HDGFL2: variants seen among roughly 807,000 people sequenced by gnomAD.
HDGFL2 encodes the protein HDGF like 2, also known as hepatoma-derived growth factor-related protein 2.
In HDGFL2, 36 loss-of-function variants were observed where a neutral mutation model predicts 77.1. The observed-to-expected ratio is 0.47, with a 90% confidence interval of 0.36 to 0.62. HDGFL2 has a LOEUF of 0.62. Among genes scored for constraint, HDGFL2 ranks in the 20% least tolerant of loss-of-function variants. The pLI is 0.00. For missense variants in HDGFL2, 976 were observed against 973.4 expected (o/e 1.00, Z -0.04); for synonymous variants, 463 against 413.1 (o/e 1.12, Z -1.46).
intron 4 of HDGFL2, among the ~76,000 whole-genome samples, 159 bp from the exon 5 acceptor site, chr19:4,491,407 G>A (rs971211108): frequency 6.6e-6 from 1 of 151,896 alleles, no homozygotes; most frequent in African/African-American, 2.4e-5. Flanking sequence ...ATGTCCTCAA[G>A]GTTCAAGATC....
Position 4,501,963 on chromosome 19 carries a change from C to T in HDGFL2, c.1969C>T (p.Arg657Cys), listed in dbSNP as rs766548369. ...LDRPGSDRQE[R>C]ERARGDSEAL... Reference sequence around the variant, plus strand: ...CAGGCCTGGGAGCGACCGGCAGGAGCGCGAGAGGGCACGGGGGGACTCGGA... The same window carrying T: ...CAGGCCTGGGAGCGACCGGCAGGAGTGCGAGAGGGCACGGGGGGACTCGGA... The change falls in exon 16 of 16, where the codon CGC becomes TGC. Residue 657 changes from arginine (R) to cysteine (C), a missense_variant. Arg to Cys is a radical substitution (Grantham distance 180). Around this residue, in one of 5 missense-constraint regions of HDGFL2, gnomAD observed 229 missense variants for 187.3 expected, o/e 1.22. Transcript: ENST00000616600. 150 of 1,505,248 alleles carry T rather than the reference C, an allele frequency of 1.0e-4. No individual in the cohort carries two copies. Among genetic ancestry groups the T allele is most frequent in the Admixed American group, 2.8e-4 (11 of 39,218 alleles). The allele number at this position is 1,505,248 out of a possible 1,614,324, so 93.2% of individuals were successfully genotyped here.
At chr19:4,473,410 G>C (rs1384204484) in intron 1 of HDGFL2, among the ~76,000 whole-genome samples, 1 of 151,806 alleles carries the variant, frequency 6.6e-6, no homozygotes, top group African/African-American at 2.4e-5. Context: ...CCGTGCGCAG[G>C]GTGTCTGGGA....
chr19:4,493,525 G>A (rs1005572843), intron 6 of HDGFL2, among the ~76,000 whole-genome samples, 178 bp from the exon 7 acceptor site: 1 of 152,100 alleles, frequency 6.6e-6, no homozygotes, highest in Non-Finnish European at 1.5e-5. Context: ...CTGGGATCCC[G>A]GTTTTCACTT....
At chr19:4,499,199 AG>A (rs921506631) in intron 13 of HDGFL2, among the ~76,000 whole-genome samples, 4 of 151,700 alleles carry the variant, frequency 2.6e-5, no homozygotes, top group African/African-American at 9.7e-5. Context: ...TACAAAAATT[AG>A]CCAGGTGTGG....
At chr19:4,494,586 G>C (rs1305306172) in intron 9 of HDGFL2, 111 bp downstream of exon 9, 1 of 802,890 alleles carries the variant, frequency 1.2e-6, no homozygotes, top group Non-Finnish European at 1.7e-6. Flanking sequence ...AAAGCAGTGC[G>C]TGGGCCCAGA....
At chr19:4,501,594 G>C (rs930941612) in intron 15 of HDGFL2, 37 of 477,946 alleles carry the variant, frequency 7.7e-5, no homozygotes, top group South Asian at 5.5e-4. Context: ...GCCCAGGTAG[G>C]TAGGCCCCGA....
In HDGFL2 at chr19:4,475,460, C is replaced by G; in HGVS notation, c.165C>G (p.Pro55=). The part of the protein sequence containing the change: ...FGTHETAFLG[P]KDLFPYDKCK... ...CCTTCTCCAGAGCCTTCCTGGGACC[C>G]AAGGACCTGTTCCCCTACGACAAAT... The change falls in exon 3 of 16, where the codon CCC becomes CCG. Residue 55 remains proline (P), a synonymous_variant. Coordinates refer to ENST00000616600, the MANE Select transcript of HDGFL2 (RefSeq NM_001001520.3). 2 of 1,613,122 alleles carry G rather than the reference C, an allele frequency of 1.2e-6. No homozygotes were observed. The highest frequency in any genetic ancestry group is 2.2e-5 in the East Asian group (1 of 44,872).
intron 3 of HDGFL2, among the ~76,000 whole-genome samples, chr19:4,484,413 G>C (rs1037774609): frequency 1.3e-5 from 2 of 152,022 alleles, no homozygotes; most frequent in Admixed American, 6.6e-5. Context: ...TTCCCATCGA[G>C]ATAACTTCAC....
chr19:4,497,762 C>G (rs1207095486), intron 10 of HDGFL2, 196 bp from the exon 11 acceptor site: 1 of 582,338 alleles, frequency 1.7e-6, no homozygotes, highest in Non-Finnish European at 3.0e-6. Flanking sequence ...TTGGGCAGCT[C>G]GAGCCTGTGG....
chr19:4,474,160 C>G (rs1212338915), intron 1 of HDGFL2, among the ~76,000 whole-genome samples: 1 of 151,970 alleles, frequency 6.6e-6, no homozygotes, highest in Admixed American at 6.6e-5. Context: ...TGGAATTTGC[C>G]GGGCAGGACT....
Position 4,482,026 on chromosome 19 carries a change from C to CTTTTTT in HDGFL2, c.288+6462_288+6467dup, listed in dbSNP as rs34398630. ...GGACTGGAAGTTGGCTGGCTTTGGC[C>CTTTTTT]TTTTTTTTTTTTTTTTTTTTTTTTG... On this transcript the variant is annotated intron_variant, in intron 3 of 15. Coordinates refer to ENST00000616600, the MANE Select transcript of HDGFL2 (RefSeq NM_001001520.3). Among the ~76,000 whole-genome samples the CTTTTTT allele has an allele frequency of 5.6e-3, 403 of 71,648 alleles. 15 individuals carry two copies. The highest frequency in any genetic ancestry group is 8.5e-3 in the African/African-American group (141 of 16,550). 47.0% of individuals were successfully genotyped at this position (71,648 alleles called of 152,430 possible).
intron 9 of HDGFL2, among the ~76,000 whole-genome samples, chr19:4,495,365 G>T (rs1012833513): frequency 3.0e-5 from 4 of 133,648 alleles, no homozygotes; most frequent in African/African-American, 1.1e-4. Flanking sequence ...TCCAGCCTGG[G>T]CCAGAGCGAG....
At chr19:4,490,902 C>G (rs1975490110) in intron 4 of HDGFL2, among the ~76,000 whole-genome samples, 1 of 151,828 alleles carries the variant, frequency 6.6e-6, no homozygotes, top group African/African-American at 2.4e-5. Context: ...ACCTCTGCCT[C>G]CCAGGTTCAA....
chr19:4,493,771 C>T lies in HDGFL2; in HGVS notation c.747C>T (p.Ala249=). The T allele has an allele frequency of 6.5e-7, 1 of 1,544,042 alleles. No individual in the cohort carries two copies. The highest frequency in any genetic ancestry group is 8.8e-7 in the Non-Finnish European group (1 of 1,141,730). Residue 249 remains alanine, a synonymous_variant, in exon 7 of 16, where the codon GCC becomes GCT. Transcript: ENST00000616600. ...ACGGGGCCAAGCCTGAGCCGGTGGCCATGGCGCGGTCGGCGTCCTCCTCCT... is the reference window on the plus strand; with the variant it reads ...ACGGGGCCAAGCCTGAGCCGGTGGCTATGGCGCGGTCGGCGTCCTCCTCCT... ...DSDGAKPEPV[A]MARSASSSSS...
intron 9 of HDGFL2, among the ~76,000 whole-genome samples, chr19:4,495,604 AG>A (rs1221001234): frequency 3.0e-4 from 45 of 151,602 alleles, no homozygotes; most frequent in East Asian, 3.9e-4. Flanking sequence ...CGGACAGAGC[AG>A]GCCGGGTAGG....
intron 3 of HDGFL2, among the ~76,000 whole-genome samples, chr19:4,479,482 G>A (rs1420919391): frequency 1.3e-5 from 2 of 151,710 alleles, no homozygotes; most frequent in South Asian, 2.1e-4. Context: ...TCTGGAGGCT[G>A]AAGCAGGAGA....
intron 14 of HDGFL2, among the ~76,000 whole-genome samples, chr19:4,500,385 C>CA (rs1363967067): frequency 1.3e-5 from 2 of 151,868 alleles, no homozygotes; most frequent in African/African-American, 2.4e-5. Flanking sequence ...TTCCTGGGCG[C>CA]AAGCCATCCT....
At chr19:4,498,471 G>A in intron 12 of HDGFL2, 95 bp downstream of exon 12, 1 of 1,015,258 alleles carries the variant, frequency 9.8e-7, no homozygotes, top group Non-Finnish European at 1.5e-6. Context: ...CAAAGCCGGG[G>A]TCCTGCAGTT....
At chr19:4,482,677 T>C (rs1975250711) in intron 3 of HDGFL2, among the ~76,000 whole-genome samples, 1 of 152,212 alleles carries the variant, frequency 6.6e-6, no homozygotes, top group South Asian at 2.1e-4. Context: ...TGACCCAGGC[T>C]TCGAGGCCAA....
Sources: gnomAD v4.1 joint callset for allele counts (sites outside exome capture counted in the v4.1 genomes callset) on GRCh38, gnomAD v4.1.1 for gene constraint, gnomAD v4.1.1 regional missense constraint, MANE v1.5 for transcripts, NCBI Gene and HGNC (gene_info 2026-07-23, HGNC 2026-07-21) for gene names.